The following PRPF19 variants were observed in gnomAD, a reference collection of about 807,000 sequenced individuals.
PRPF19 encodes the protein pre-mRNA processing factor 19, also known as pre-mRNA-processing factor 19.
In PRPF19, 2 loss-of-function variants were observed where a neutral mutation model predicts 64.2. The ratio of observed to expected loss-of-function variants is 0.03; its 90% CI spans 0.01 to 0.10. PRPF19 has a LOEUF of 0.10. PRPF19 is among the 10% of genes least tolerant of loss of function. PRPF19 has a pLI of 1.00. For synonymous variants in PRPF19, 226 were observed against 251.6 expected, an observed-to-expected ratio of 0.90 and a Z score of 0.96; for missense variants, 314 against 650.0, an observed-to-expected ratio of 0.48 and a Z score of 5.62.
Position 60,890,967 on chromosome 11 carries a change from T to C in PRPF19, c.*199A>G, listed in dbSNP as rs1330322795. 1.6e-5 allele frequency: 10 copies of C among 618,306 alleles called. No individual in the cohort carries two copies. The highest frequency in any genetic ancestry group is 2.9e-6 in the Non-Finnish European group (1 of 342,222). The allele number at this position is 618,306 out of a possible 1,614,324, so 38.3% of individuals were successfully genotyped here. On this transcript the variant is annotated 3_prime_UTR_variant, in exon 16 of 16. Coordinates refer to ENST00000227524, the MANE Select transcript of PRPF19 (RefSeq NM_014502.5). ...GTTCTTCCTTCCACATCCGTTCCCA[T>C]GGGGCCTGGAGTTGCATGGATGAGG...
At chr11:60,897,784 T>C (rs1776980250) in intron 15 of PRPF19, 62 bp downstream of exon 15, 2 of 1,414,676 alleles carry the variant, frequency 1.4e-6, no homozygotes, top group Non-Finnish European at 2.0e-6. Flanking sequence ...CCTAACCCAG[T>C]GAGGCTTCCC....
Position 60,898,458 on chromosome 11 carries a change from G to A in PRPF19, c.1140+83C>T, listed in dbSNP as rs1855945227. On this transcript the variant is annotated intron_variant, in intron 13 of 15. Coordinates refer to ENST00000227524, the MANE Select transcript of PRPF19 (RefSeq NM_014502.5). This position sits in a 1 kb window ranked among gnomAD's most constrained non-coding sequence, Gnocchi z 4.6. ...TGTCTCTCCACCTTCAGGGCCAGGT[G>A]CCACAAGCACCTAATTAGCACTGCA... 1 of 1,600,842 alleles carries A rather than the reference G, an allele frequency of 6.2e-7. No individual in the cohort carries two copies. The highest frequency in any genetic ancestry group is 2.2e-5 in the East Asian group (1 of 44,586).
rs536935859 is a variant in PRPF19 at position 60,901,032 on chromosome 11, G to A, written c.643-103C>T. The A allele has an allele frequency of 1.6e-3, 2,131 of 1,332,854 alleles. 11 individuals carry two copies. The highest frequency in any genetic ancestry group is 4.1e-3 in the South Asian group (339 of 82,958). 82.6% of individuals were successfully genotyped at this position (1,332,854 alleles called of 1,614,324 possible). On this transcript the variant is annotated intron_variant, in intron 8 of 15. Transcript: ENST00000227524. ...ATCTCCAGTCACCCATGTTCTCAGG[G>A]GAGCAAGAGTTACTTCTATTCCTTA...
chr11:60,900,074 C>A (rs1424182956), intron 10 of PRPF19, among the ~76,000 whole-genome samples: 1 of 152,202 alleles, frequency 6.6e-6, no homozygotes, highest in Non-Finnish European at 1.5e-5. Context: ...CAAACCCAAA[C>A]TGTCTTAGGC....
rs201441205 is a variant in PRPF19, at chr11:60,897,837, A to G, written c.1417+9T>C. 1,301 of 1,612,940 alleles carry G rather than the reference A, an allele frequency of 8.1e-4. 10 individuals are homozygous for G. In the South Asian group the frequency reaches 0.011, roughly 14 times the overall value. On this transcript the variant is annotated intron_variant, in intron 15 of 15. Transcript: ENST00000227524. ...AGAGAGATCCCAGGAGCCCAGGACC[A>G]GCCTCTACCTGTAAAGTGAAGAATC... is the stretch of plus-strand genomic sequence containing the variant.
In PRPF19 at chr11:60,898,770, T is replaced by C. The variant is rs1031080468; in HGVS notation, c.1054+92A>G. The C allele has an allele frequency of 2.7e-6, 4 of 1,506,952 alleles. No homozygotes were observed. Among genetic ancestry groups the C allele is most frequent in the Admixed American group, 2.3e-5 (1 of 44,414 alleles). 93.3% of individuals were successfully genotyped at this position (1,506,952 alleles called of 1,614,324 possible). ...TAGACAGGTGCTCATGGTAAATATA[T>C]CTTTAGAACAAATAAACAAATGACT... is the stretch of plus-strand genomic sequence containing the variant. On this transcript the variant is annotated intron_variant, in intron 12 of 15. Transcript: ENST00000227524. This position sits in a 1 kb window ranked among gnomAD's most constrained non-coding sequence, Gnocchi z 4.6.
chr11:60,903,906 T>C (rs372842971), intron 1 of PRPF19, 45 bp from the exon 2 acceptor site: 18 of 1,594,170 alleles, frequency 1.1e-5, no homozygotes, highest in Non-Finnish European at 1.4e-5. Context: ...AAGGCAATCT[T>C]GGGCCTAGAG....
Position 60,898,388 on chromosome 11 carries a change from C to T in PRPF19, c.1141-117G>A, listed in dbSNP as rs1490778232. ...ACGTCCTTCCAGGAAGGACAGCCAGCGGGACCCCCCAGACCACACCATCAT... is the reference window on the plus strand; with the variant it reads ...ACGTCCTTCCAGGAAGGACAGCCAGTGGGACCCCCCAGACCACACCATCAT... On this transcript the variant is annotated intron_variant, in intron 13 of 15. Coordinates refer to ENST00000227524, the MANE Select transcript of PRPF19 (RefSeq NM_014502.5). This position sits in a 1 kb window ranked among gnomAD's most constrained non-coding sequence, Gnocchi z 4.6. The T allele has an allele frequency of 8.0e-6, 12 of 1,506,742 alleles. No individual in the cohort carries two copies. Among genetic ancestry groups the T allele is most frequent in the East Asian group, 4.8e-5 (2 of 41,896 alleles). The allele number at this position is 1,506,742 out of a possible 1,614,324, so 93.3% of individuals were successfully genotyped here.
intron 15 of PRPF19, among the ~76,000 whole-genome samples, chr11:60,896,621 T>C (rs547021417): frequency 6.6e-6 from 1 of 152,342 alleles, no homozygotes; most frequent in East Asian, 1.9e-4. Context: ...ATGTTTGCTT[T>C]CCCTGCTGCT....
chr11:60,903,912 T>G (rs1348061831), intron 1 of PRPF19, 51 bp from the exon 2 acceptor site: 1 of 1,582,976 alleles, frequency 6.3e-7, no homozygotes, highest in South Asian at 1.2e-5. Flanking sequence ...ATCTTGGGCC[T>G]AGAGGATTCC....
intron 9 of PRPF19, 66 bp from the exon 10 acceptor site, chr11:60,900,757 T>C (rs1400487995): frequency 2.5e-6 from 4 of 1,581,464 alleles, no homozygotes; most frequent in Non-Finnish European, 3.5e-6. Context: ...CTCAAGGAAA[T>C]GCTTTTGTTC....
At chr11:60,892,685 C>T (rs7116665) in intron 15 of PRPF19, among the ~76,000 whole-genome samples, 1 of 151,762 alleles carries the variant, frequency 6.6e-6, no homozygotes, top group African/African-American at 2.4e-5. Context: ...GGGCTTTGAA[C>T]CAAGGTCTCT....
chr11:60,906,357 C>T lies in PRPF19; in HGVS notation c.19+7G>A. 6.2e-7 allele frequency: 1 copy of T among 1,600,082 alleles called. No individual in the cohort carries two copies. On this transcript the variant is annotated splice_region_variant and intron_variant, in intron 1 of 15. Coordinates refer to ENST00000227524, the MANE Select transcript of PRPF19 (RefSeq NM_014502.5). Reference sequence around the variant, plus strand: ...GAGACCCGCGCTTGGCCGCAGCCAACACTCACTGGAGCAGATTAGGGACAT... The same window carrying T: ...GAGACCCGCGCTTGGCCGCAGCCAATACTCACTGGAGCAGATTAGGGACAT...
In PRPF19 at chr11:60,902,371, C is replaced by G. The variant is rs369257421; in HGVS notation, c.525+32G>C. The G allele has an allele frequency of 1.2e-6, 2 of 1,600,618 alleles. No individual in the cohort carries two copies. Among genetic ancestry groups the G allele is most frequent in the South Asian group, 2.2e-5 (2 of 90,720 alleles). On this transcript the variant is annotated intron_variant, in intron 6 of 15. Coordinates refer to ENST00000227524, the MANE Select transcript of PRPF19 (RefSeq NM_014502.5). The surrounding 1 kb of genome is among the most constrained non-coding windows in gnomAD (Gnocchi z 5.0). ...CAGATGGTGAAAAGTAAGGGCCCATCAGCACTCCCACCAGGTGAGAGCAGG... is the reference window on the plus strand; with the variant it reads ...CAGATGGTGAAAAGTAAGGGCCCATGAGCACTCCCACCAGGTGAGAGCAGG...
intron 15 of PRPF19, among the ~76,000 whole-genome samples, chr11:60,897,102 T>C (rs1196116224): frequency 2.6e-5 from 4 of 152,206 alleles, no homozygotes; most frequent in Non-Finnish European, 4.4e-5. Flanking sequence ...ACTCACTCAC[T>C]GAAAGCAACT....
rs149479095 is a variant in PRPF19, at chr11:60,899,258, G to A, written c.875C>T (p.Ser292Leu). The A allele has an allele frequency of 3.4e-5, 55 of 1,613,206 alleles. 1 individual carries two copies. The highest frequency in any genetic ancestry group is 1.5e-4 in the Admixed American group (9 of 60,008). Residue 292 changes from serine to leucine, a missense_variant, in exon 11 of 16, where the codon TCG becomes TTG. Physicochemically the swap from Ser to Leu is moderately radical, Grantham distance 145 (BLOSUM62 -2). Coordinates refer to ENST00000227524, the MANE Select transcript of PRPF19 (RefSeq NM_014502.5). ...CTGTACACAAGAGGCATTGGGGACCGACCAAATCCTGATAGTGGCATCGGG... is the reference window on the plus strand; with the variant it reads ...CTGTACACAAGAGGCATTGGGGACCAACCAAATCCTGATAGTGGCATCGGG... ...ASPDATIRIWSVPNASCVQVV... is the reference protein window; with the variant it reads ...ASPDATIRIWLVPNASCVQVV...
At chr11:60,906,241 C>T in intron 1 of PRPF19, 123 bp downstream of exon 1, 1 of 1,399,932 alleles carries the variant, frequency 7.1e-7, no homozygotes, top group Non-Finnish European at 9.3e-7. Context: ...CAGGCCGCCG[C>T]TCGGCCTCCG....
At chr11:60,905,310 G>A (rs1290268655) in intron 1 of PRPF19, 1 of 152,224 alleles carries the variant, frequency 6.6e-6, no homozygotes, top group Non-Finnish European at 1.5e-5. Flanking sequence ...TGGTGCTGGG[G>A]AACGTAAAAG....
intron 1 of PRPF19, among the ~76,000 whole-genome samples, chr11:60,905,682 T>C (rs1856037563): frequency 6.6e-6 from 1 of 152,374 alleles, no homozygotes. Flanking sequence ...CCGCTCTTCC[T>C]GCGCCTTGCA....
Sources: allele counts gnomAD v4.1 joint callset (sites outside exome capture counted in the v4.1 genomes callset), GRCh38; gene constraint gnomAD v4.1.1; non-coding constraint Gnocchi (gnomAD v3.1); transcripts MANE v1.5; gene names NCBI Gene and HGNC (gene_info 2026-07-23, HGNC 2026-07-21).